Variants in LIN28B observed in about 807,000 individuals in gnomAD.
LIN28B encodes the protein lin-28 RNA binding posttranscriptional regulator B.
A neutral mutation model predicts 21.9 loss-of-function variants in LIN28B; 5 were observed. That is an observed-to-expected ratio of 0.23 (90% CI 0.12 to 0.48). The LOEUF is 0.48. Among genes scored for constraint, LIN28B ranks in the 20% least tolerant of loss-of-function variants. LIN28B has a pLI of 0.98. For missense variants in LIN28B, 245 were observed against 310.5 expected (o/e 0.79, Z 1.58); for synonymous variants, 109 against 111.3 (o/e 0.98, Z 0.13).
intron 2 of LIN28B, among the ~76,000 whole-genome samples, chr6:104,968,055 T>A (rs1769900179): frequency 6.6e-6 from 1 of 152,224 alleles, no homozygotes; most frequent in Non-Finnish European, 1.5e-5. Context: ...CATAGAAAAG[T>A]ATTAACTTTT....
upstream of LIN28B, chr6:104,957,093 G>T: frequency 6.5e-7 from 1 of 1,536,256 alleles, no homozygotes. Flanking sequence ...ACTGGAGAGA[G>T]GAGAGAAAAA....
intron 3 of LIN28B, among the ~76,000 whole-genome samples, chr6:105,041,584 TA>T (rs1028386404): frequency 6.6e-6 from 1 of 152,238 alleles, no homozygotes; most frequent in African/African-American, 2.4e-5. Flanking sequence ...CTGTGCTGGC[TA>T]CTCTGAAATC....
At chr6:105,003,420 G>A (rs112401920) in intron 2 of LIN28B, among the ~76,000 whole-genome samples, 1 of 152,160 alleles carries the variant, frequency 6.6e-6, no homozygotes, top group Non-Finnish European at 1.5e-5. Flanking sequence ...GTCACTTTAC[G>A]AAGAACTGAA....
chr6:105,062,306 CTGTTT>C (rs1438040670), intron 3 of LIN28B, among the ~76,000 whole-genome samples: 1 of 152,004 alleles, frequency 6.6e-6, no homozygotes, highest in Non-Finnish European at 1.5e-5. Context: ...TGTCATTGTT[CTGTTT>C]TGTTTTGTTT....
In LIN28B at chr6:104,974,191, T is replaced by TA. The variant is rs1443586489; in HGVS notation, c.198+15912dup. ...GAAGTTGGTTGTTTTCCAAGATGAGTAAAAAAATGCAGATTCAGGTTGGGT... is the reference window on the plus strand; with the variant it reads ...GAAGTTGGTTGTTTTCCAAGATGAGTAAAAAAAATGCAGATTCAGGTTGGGT... On this transcript the variant is annotated intron_variant, in intron 2 of 3. Transcript: ENST00000345080. 5.9e-5 allele frequency among the ~76,000 whole-genome samples: 9 copies of TA among 152,096 alleles called. No homozygotes were observed. In the East Asian group the frequency reaches 1.4e-3, roughly 23 times the overall value.
At chr6:105,030,776 A>C (rs1002123261) in intron 3 of LIN28B, among the ~76,000 whole-genome samples, 1 of 151,138 alleles carries the variant, frequency 6.6e-6, no homozygotes, top group Non-Finnish European at 1.5e-5. Flanking sequence ...TTGTATTTTT[A>C]ATAGAGATGG....
intron 3 of LIN28B, among the ~76,000 whole-genome samples, chr6:105,034,568 T>C (rs1295167369): frequency 6.6e-6 from 1 of 152,056 alleles, no homozygotes; most frequent in Non-Finnish European, 1.5e-5. Context: ...ATGCTACTTA[T>C]TTAGATTTAA....
chr6:104,980,650 CT>C (rs1174561946), intron 2 of LIN28B, among the ~76,000 whole-genome samples: 1 of 152,040 alleles, frequency 6.6e-6, no homozygotes, highest in Admixed American at 6.5e-5. Flanking sequence ...AGGAAACAGC[CT>C]TTATGCCTTT....
intron 2 of LIN28B, among the ~76,000 whole-genome samples, chr6:104,967,576 CAAAAA>C (rs71003462): frequency 1.1e-3 from 67 of 60,746 alleles, no homozygotes; most frequent in Admixed American, 2.3e-3. Flanking sequence ...AACTCCCTCT[CAAAAA>C]AAAAAAAAAA....
At chr6:105,058,899 A>G (rs931673441) in intron 3 of LIN28B, among the ~76,000 whole-genome samples, 4 of 151,800 alleles carry the variant, frequency 2.6e-5, no homozygotes, top group South Asian at 2.1e-4. Context: ...CTGTTTTTCT[A>G]TTGGACTCTG....
intron 3 of LIN28B, among the ~76,000 whole-genome samples, chr6:105,046,958 TCC>T (rs1279562876): frequency 0.041 from 6,260 of 152,070 alleles, 177 homozygotes; most frequent in Middle Eastern, 0.061. Flanking sequence ...TTTCTCCCAT[TCC>T]GTAGGTTGCC....
chr6:105,008,446 C>T (rs999672187), intron 2 of LIN28B, among the ~76,000 whole-genome samples: 2 of 151,936 alleles, frequency 1.3e-5, no homozygotes, highest in African/African-American at 4.8e-5. Flanking sequence ...AGATCGAGAC[C>T]ATCCTGGCTA....
chr6:104,982,776 TTAAACATCTTC>T (rs1770254240), intron 2 of LIN28B, among the ~76,000 whole-genome samples: 1 of 152,128 alleles, frequency 6.6e-6, no homozygotes, highest in African/African-American at 2.4e-5. Context: ...TAAAGATCTT[TTAAACATCTTC>T]TAAACATTTT....
At chr6:104,960,096 A>G (rs1769698993) in intron 2 of LIN28B, among the ~76,000 whole-genome samples, 1 of 152,148 alleles carries the variant, frequency 6.6e-6, no homozygotes, top group Non-Finnish European at 1.5e-5. Flanking sequence ...TATACTATAA[A>G]CATTGATTTT....
intron 3 of LIN28B, among the ~76,000 whole-genome samples, chr6:105,075,311 A>G (rs1319990039): frequency 6.6e-6 from 1 of 152,146 alleles, no homozygotes; most frequent in African/African-American, 2.4e-5. Flanking sequence ...GGGGACTAAA[A>G]TCATGTATAG....
intron 2 of LIN28B, among the ~76,000 whole-genome samples, chr6:104,974,785 A>G (rs1214320239): frequency 2.6e-5 from 4 of 151,878 alleles, no homozygotes; most frequent in Non-Finnish European, 4.4e-5. Context: ...CTTACGTTTT[A>G]TGGAAAGAAT....
At chr6:104,983,087 C>G (rs1308720590) in intron 2 of LIN28B, among the ~76,000 whole-genome samples, 3 of 152,178 alleles carry the variant, frequency 2.0e-5, no homozygotes, top group African/African-American at 7.2e-5. Context: ...GCCATAACAC[C>G]TGGTCTTTCT....
chr6:104,941,554 C>A (rs1379654178), intron 2 of LIN28B: 2 of 149,314 alleles, frequency 1.3e-5, no homozygotes, highest in Admixed American at 6.8e-5. Context: ...GGTGCCGGCT[C>A]GTCTGGGACG....
chr6:104,960,689 A>G (rs1438694228), intron 2 of LIN28B, among the ~76,000 whole-genome samples: 1 of 152,096 alleles, frequency 6.6e-6, no homozygotes, highest in Non-Finnish European at 1.5e-5. Context: ...TGTGTCCTTA[A>G]TAAATACATA....
Sources: gnomAD v4.1 joint callset for allele counts (sites outside exome capture counted in the v4.1 genomes callset) on GRCh38, gnomAD v4.1.1 for gene constraint, MANE v1.5 for transcripts, NCBI Gene and HGNC (gene_info 2026-07-23, HGNC 2026-07-21) for gene names.